The following CCDC80 variants were observed in gnomAD, a reference collection of about 807,000 sequenced individuals.
The protein encoded by CCDC80 is coiled-coil domain-containing protein 80.
A neutral mutation model predicts 78.7 loss-of-function variants in CCDC80; 49 were observed. The observed-to-expected ratio is 0.62, with a 90% CI of 0.50 to 0.79. The LOEUF is 0.79. CCDC80 is among the 30% of genes least tolerant of loss of function. The pLI, the probability that CCDC80 is intolerant of heterozygous loss-of-function variation, is 0.00. For synonymous variants in CCDC80, 488 were observed against 447.0 expected (o/e 1.09, Z -1.16); for missense variants, 1,205 against 1,198.6 (o/e 1.01, Z -0.08).
At chr3:112,608,347 C>T (rs1395258593) in intron 6 of CCDC80, among the ~76,000 whole-genome samples, 2 of 152,056 alleles carry the variant, frequency 1.3e-5, no homozygotes, top group Non-Finnish European at 2.9e-5. Flanking sequence ...AAATGCTATT[C>T]AAAAAAATTT....
At chr3:112,632,889 C>T (rs961958353) in intron 2 of CCDC80, among the ~76,000 whole-genome samples, 10 of 152,168 alleles carry the variant, frequency 6.6e-5, no homozygotes, top group African/African-American at 2.4e-4. Context: ...CCTCCCTTAC[C>T]TGACCTCTTT....
chr3:112,606,539 C>T (rs1353422609), intron 7 of CCDC80, among the ~76,000 whole-genome samples: 1 of 152,240 alleles, frequency 6.6e-6, no homozygotes, highest in East Asian at 1.9e-4. Context: ...GATTGTCCTA[C>T]CTCAGCCTCC....
intron 5 of CCDC80, among the ~76,000 whole-genome samples, chr3:112,616,023 A>T (rs1935732739): frequency 6.6e-6 from 1 of 152,074 alleles, no homozygotes; most frequent in Non-Finnish European, 1.5e-5. Context: ...ATTTGTCCTG[A>T]ATTCTTTCTT....
At chr3:112,615,796 A>C (rs1301864701) in intron 5 of CCDC80, among the ~76,000 whole-genome samples, 1 of 152,106 alleles carries the variant, frequency 6.6e-6, no homozygotes, top group East Asian at 1.9e-4. Context: ...TCCCACCACC[A>C]CCATGACAGT....
At chr3:112,628,873 AC>A (rs1936033926) in intron 3 of CCDC80, among the ~76,000 whole-genome samples, 1 of 152,190 alleles carries the variant, frequency 6.6e-6, no homozygotes, top group Admixed American at 6.5e-5. Flanking sequence ...AGAATGCATA[AC>A]TGATACTTTA....
chr3:112,616,306 AACCAGAAGG>A (rs1287291729), intron 5 of CCDC80, among the ~76,000 whole-genome samples: 1 of 152,108 alleles, frequency 6.6e-6, no homozygotes, highest in Non-Finnish European at 1.5e-5. Context: ...TCCTGTTTGG[AACCAGAAGG>A]GGCCTAATAA....
In CCDC80 at chr3:112,602,391, A is replaced by G. The variant is rs1475694241; in HGVS notation, c.*3026T>C. The G allele has an allele frequency of 1.3e-5, 2 of 152,168 alleles. No individual in the cohort carries two copies. The highest frequency in any genetic ancestry group is 2.9e-5 in the Non-Finnish European group (2 of 68,032). The allele number at this position is 152,168 out of a possible 1,614,324, so 9.4% of individuals were successfully genotyped here. A position where few individuals can be genotyped will look rare whatever the true frequency, so the allele number is the denominator to read the frequency against. ...AAGTGAGAGGAAGTTGCAATCTTTC[A>G]CTTTAAATCAAAAGCTAGAAATGAA... On this transcript the variant is annotated 3_prime_UTR_variant, in exon 8 of 8. Transcript: ENST00000206423.
chr3:112,638,391 C>G lies in CCDC80; in HGVS notation c.1515G>C (p.Glu505Asp), dbSNP rs1349528630. Reference protein sequence around the residue: ...KKAQDKILSNEYEEKYDLSRP... With the variant: ...KKAQDKILSNDYEEKYDLSRP... ...GGCTGAGGTCATACTTCTCCTCATA[C>G]TCATTACTAAGAATTTTGTCCTGGG... The change falls in exon 2 of 8, where the codon GAG (glutamate) becomes GAC (aspartate). Residue 505 changes from glutamate to aspartate, a missense_variant. Physicochemically the swap from Glu to Asp is conservative, Grantham distance 45 (BLOSUM62 2). Transcript: ENST00000206423. 2 of 1,614,010 alleles carry G rather than the reference C, an allele frequency of 1.2e-6. No individual in the cohort carries two copies. The highest frequency in any genetic ancestry group is 1.7e-6 in the Non-Finnish European group (2 of 1,180,034).
intron 3 of CCDC80, among the ~76,000 whole-genome samples, chr3:112,619,662 T>C (rs1013337090): frequency 6.6e-6 from 1 of 152,248 alleles, no homozygotes; most frequent in African/African-American, 2.4e-5. Flanking sequence ...CTATTCATAA[T>C]GCAAATTTTG....
At chr3:112,624,342 C>T (rs986073753) in intron 3 of CCDC80, among the ~76,000 whole-genome samples, 12 of 152,196 alleles carry the variant, frequency 7.9e-5, no homozygotes, top group African/African-American at 2.7e-4. Flanking sequence ...CCAAAACTCT[C>T]TTGGTTGTGC....
rs780820606 is a variant in CCDC80 at position 112,605,428 on chromosome 3, A to G, written c.2842T>C (p.Tyr948His). 2 of 1,611,770 alleles carry G rather than the reference A, an allele frequency of 1.2e-6. No individual in the cohort carries two copies. The highest frequency in any genetic ancestry group is 1.7e-6 in the Non-Finnish European group (2 of 1,178,248). ...TTACATATTTCTGCTCAGTAAGGGT[A>G]TCCATGGTGATAACTCTCATGATGA... Reference protein sequence around the residue: ...YRHHESYHHGYPY With the variant: ...YRHHESYHHGHPY Residue 948 changes from tyrosine to histidine, a missense_variant, in exon 8 of 8, where the codon TAC becomes CAC. Transcript: ENST00000206423.
In CCDC80 at chr3:112,599,663, G is replaced by A. The variant is rs74938887; in HGVS notation, c.*5754C>T. ...TGAGGCCATCATTCACCCTACTCTC[G>A]GGCTGCTTCCATCCTCCAGGCTTCT... On this transcript the variant is annotated 3_prime_UTR_variant, in exon 8 of 8. Coordinates refer to ENST00000206423, the MANE Select transcript of CCDC80 (RefSeq NM_199511.3). The A allele has an allele frequency of 0.044, 6,745 of 152,260 alleles. 216 individuals carry two copies. The highest frequency in any genetic ancestry group is 0.071 in the Non-Finnish European group (4,840 of 68,056). The allele number at this position is 152,260 out of a possible 1,614,324, so 9.4% of individuals were successfully genotyped here.
intron 5 of CCDC80, among the ~76,000 whole-genome samples, chr3:112,611,796 G>T (rs916749979): frequency 6.6e-6 from 1 of 152,156 alleles, no homozygotes; most frequent in East Asian, 1.9e-4. Context: ...TGACCGCAGG[G>T]TGTTGGTGCA....
intron 3 of CCDC80, among the ~76,000 whole-genome samples, chr3:112,628,568 T>C (rs1227872916): frequency 2.0e-5 from 3 of 152,180 alleles, no homozygotes; most frequent in Non-Finnish European, 4.4e-5. Context: ...TCTTCTAAAC[T>C]AAGACTTAGG....
intron 3 of CCDC80, among the ~76,000 whole-genome samples, chr3:112,627,682 G>T (rs1158008433): frequency 1.3e-5 from 2 of 152,158 alleles, no homozygotes; most frequent in African/African-American, 4.8e-5. Flanking sequence ...CCGACTCCCA[G>T]TCTTGGCTCA....
chr3:112,619,579 A>AT (rs1935821554), intron 3 of CCDC80, among the ~76,000 whole-genome samples: 1 of 152,200 alleles, frequency 6.6e-6, no homozygotes, highest in South Asian at 2.1e-4. Flanking sequence ...TAAGCATGTC[A>AT]TATCTATAGA....
rs899801974 is a variant in CCDC80, at chr3:112,603,984, C to G, written c.*1433G>C. 1 of 152,180 alleles carries G rather than the reference C, an allele frequency of 6.6e-6. No individual in the cohort carries two copies. The highest frequency in any genetic ancestry group is 1.5e-5 in the Non-Finnish European group (1 of 68,054). 9.4% of individuals were successfully genotyped at this position (152,180 alleles called of 1,614,324 possible). The stretch of plus-strand genomic sequence containing the variant: ...TCTGCTATAGACATAGTGGAAATAG[C>G]AAGAGAACTGGAATTAGAAGTGGAG... On this transcript the variant is annotated 3_prime_UTR_variant, in exon 8 of 8. Coordinates refer to ENST00000206423, the MANE Select transcript of CCDC80 (RefSeq NM_199511.3).
chr3:112,623,059 A>G (rs1935899767), intron 3 of CCDC80, among the ~76,000 whole-genome samples: 2 of 152,034 alleles, frequency 1.3e-5, no homozygotes, highest in African/African-American at 2.4e-5. Context: ...ATTCAAGCCC[A>G]TTTGCTGGGA....
intron 3 of CCDC80, 99 bp downstream of exon 3, chr3:112,630,014 C>G (rs1020371871): frequency 8.8e-7 from 1 of 1,139,528 alleles, no homozygotes; most frequent in Admixed American, 2.1e-5. Context: ...CTCTGAACAT[C>G]TTCATTTTCT....
Sources: gnomAD v4.1 joint callset for allele counts (sites outside exome capture counted in the v4.1 genomes callset) on GRCh38, gnomAD v4.1.1 for gene constraint, MANE v1.5 for transcripts, NCBI Gene and HGNC (gene_info 2026-07-23, HGNC 2026-07-21) for gene names.